Variants in CPNE4 observed in about 807,000 individuals in gnomAD.
CPNE4 encodes copine 4.
Under a neutral mutation model 67.9 loss-of-function variants are expected in CPNE4, and 25 were observed. The observed-to-expected ratio is 0.37, with a 90% CI of 0.27 to 0.51. The LOEUF is 0.51. CPNE4 is among the 20% of genes least tolerant of loss of function. CPNE4 has a pLI of 0.93. For synonymous variants in CPNE4, 242 were observed against 244.9 expected (o/e 0.99, Z 0.11); for missense variants, 464 against 690.8 (o/e 0.67, Z 3.68).
chr3:131,767,744 C>T (rs1175317222), intron 2 of CPNE4, among the ~76,000 whole-genome samples: 1 of 151,570 alleles, frequency 6.6e-6, no homozygotes, highest in Non-Finnish European at 1.5e-5. Flanking sequence ...TCCCCAAATC[C>T]CTGCTACCCC....
intron 7 of CPNE4, among the ~76,000 whole-genome samples, chr3:131,657,844 G>T (rs956785724): frequency 6.6e-6 from 1 of 151,946 alleles, no homozygotes; most frequent in African/African-American, 2.4e-5. Flanking sequence ...GATTACAGGC[G>T]TGAGATACCG....
intron 2 of CPNE4, among the ~76,000 whole-genome samples, chr3:131,801,415 C>CGTGTGT (rs796117335): frequency 3.3e-4 from 22 of 66,068 alleles, no homozygotes; most frequent in African/African-American, 7.6e-4. Flanking sequence ...TACATATATA[C>CGTGTGT]GTGTGTGTGT....
upstream of CPNE4, among the ~76,000 whole-genome samples, chr3:132,038,987 G>GT (rs1426265679): frequency 6.6e-6 from 1 of 152,114 alleles, no homozygotes; most frequent in African/African-American, 2.4e-5. Flanking sequence ...CTAGACACAT[G>GT]TATCTATTTA....
At chr3:131,885,754 T>C (rs957295107) in intron 2 of CPNE4, among the ~76,000 whole-genome samples, 1 of 152,000 alleles carries the variant, frequency 6.6e-6, no homozygotes, top group Admixed American at 6.6e-5. Flanking sequence ...TGTGATCTCA[T>C]TGTTCAATTC....
intron 2 of CPNE4, among the ~76,000 whole-genome samples, chr3:131,832,315 G>T (rs916297507): frequency 3.3e-5 from 5 of 152,154 alleles, no homozygotes; most frequent in African/African-American, 1.2e-4. Context: ...TAGAATTAGT[G>T]CTCTATTCTT....
intron 7 of CPNE4, among the ~76,000 whole-genome samples, chr3:131,626,526 G>A (rs1163356790): frequency 6.6e-6 from 1 of 152,192 alleles, no homozygotes; most frequent in East Asian, 1.9e-4. Flanking sequence ...TTCTCTGAAG[G>A]CTGAGAGAGG....
In CPNE4 at chr3:131,829,637, T is replaced by TAA. The variant is rs2085295631; in HGVS notation, c.180+75625_180+75626dup. Among the ~76,000 whole-genome samples, 3 of 152,100 alleles carry TAA rather than the reference T, an allele frequency of 2.0e-5. No individual in the cohort carries two copies. In the South Asian group the frequency reaches 6.2e-4, roughly 32 times the overall value. ...CCAATCTCATCAGCATATGATTACTTAAAAAAACAACAAATCAAGGAGCAA... is the reference window on the plus strand; with the variant it reads ...CCAATCTCATCAGCATATGATTACTTAAAAAAAAACAACAAATCAAGGAGCAA... On this transcript the variant is annotated intron_variant, in intron 2 of 15. Transcript: ENST00000429747.
chr3:131,607,933 G>A (rs940898562), intron 7 of CPNE4, among the ~76,000 whole-genome samples: 5 of 152,124 alleles, frequency 3.3e-5, no homozygotes, highest in African/African-American at 7.2e-5. Flanking sequence ...CAGGGTTGCC[G>A]CTTGCATTAA....
intron 2 of CPNE4, among the ~76,000 whole-genome samples, chr3:131,812,460 T>C (rs1353513774): frequency 2.6e-5 from 4 of 152,134 alleles, no homozygotes; most frequent in Non-Finnish European, 1.5e-5. Context: ...AAAACAAAGA[T>C]ATTGGAGCCT....
At chr3:131,631,923 T>C (rs571554746) in intron 7 of CPNE4, among the ~76,000 whole-genome samples, 45 of 146,218 alleles carry the variant, frequency 3.1e-4, no homozygotes, top group African/African-American at 1.2e-3. Flanking sequence ...TGAGACAGAG[T>C]CTCACTCTGT....
intron 12 of CPNE4, among the ~76,000 whole-genome samples, chr3:131,553,938 G>T (rs534569215): frequency 2.0e-5 from 3 of 152,194 alleles, no homozygotes; most frequent in East Asian, 3.9e-4. Flanking sequence ...ATAACCAGGG[G>T]ATTTTGCTGA....
At chr3:131,818,912 C>G (rs543993881) in intron 2 of CPNE4, among the ~76,000 whole-genome samples, 1 of 152,126 alleles carries the variant, frequency 6.6e-6, no homozygotes, top group South Asian at 2.1e-4. Flanking sequence ...CCAGCCTGGC[C>G]GACATGGTGA....
At position 131,720,354 on chromosome 3, in the gene CPNE4, G is replaced by A. The variant is rs867008021; in HGVS notation, c.360+3092C>T. On this transcript the variant is annotated intron_variant, in intron 3 of 15. Transcript: ENST00000429747. ...GGCTGGAGTGCAGTGGCATGATCTC[G>A]GCTCAATGCAACCTCTGCCTCCTGG... is the stretch of plus-strand genomic sequence containing the variant. Among the ~76,000 whole-genome samples, 45 of 148,582 alleles carry A rather than the reference G, an allele frequency of 3.0e-4. 1 individual carries two copies. In the Middle Eastern group the frequency reaches 0.011, roughly 35 times the overall value.
chr3:131,967,324 G>T (rs191948502), intron 1 of CPNE4, among the ~76,000 whole-genome samples: 10 of 152,328 alleles, frequency 6.6e-5, no homozygotes, highest in African/African-American at 2.4e-4. Context: ...AGACAAGGAT[G>T]CCCTCTCTCA....
At chr3:131,720,579 C>T (rs746010146) in intron 3 of CPNE4, among the ~76,000 whole-genome samples, 38 of 152,090 alleles carry the variant, frequency 2.5e-4, no homozygotes, top group Admixed American at 5.9e-4. Flanking sequence ...CCACCGCGCC[C>T]GGCTAGGAAT....
chr3:131,805,041 A>G (rs1355139144), intron 2 of CPNE4, among the ~76,000 whole-genome samples: 1 of 152,222 alleles, frequency 6.6e-6, no homozygotes, highest in Non-Finnish European at 1.5e-5. Context: ...CAAAATGAGC[A>G]CTATCCTGAG....
intron 2 of CPNE4, among the ~76,000 whole-genome samples, chr3:131,813,986 C>G (rs189447310): frequency 6.6e-6 from 1 of 152,106 alleles, no homozygotes; most frequent in African/African-American, 2.4e-5. Flanking sequence ...GACTGACACA[C>G]GGCAAGGGTC....
chr3:131,928,647 G>T (rs1180407451), intron 1 of CPNE4, among the ~76,000 whole-genome samples: 1 of 152,180 alleles, frequency 6.6e-6, no homozygotes, highest in Non-Finnish European at 1.5e-5. Context: ...TCACCACAAG[G>T]AAACAGAACT....
chr3:132,025,614 G>C (rs749147269), intron 1 of CPNE4, among the ~76,000 whole-genome samples: 2 of 152,150 alleles, frequency 1.3e-5, no homozygotes, highest in Non-Finnish European at 2.9e-5. Context: ...ATTACCATTA[G>C]GGTAATTAAC....
Sources: allele counts gnomAD v4.1 joint callset (sites outside exome capture counted in the v4.1 genomes callset), GRCh38; gene constraint gnomAD v4.1.1; transcripts MANE v1.5; gene names NCBI Gene and HGNC (gene_info 2026-07-23, HGNC 2026-07-21).